Variants in MCMDC2 observed in about 807,000 individuals in gnomAD.
MCMDC2 encodes minichromosome maintenance domain-containing protein 2.
Under a neutral mutation model 75.8 loss-of-function variants are expected in MCMDC2, and 54 were observed. The ratio of observed to expected loss-of-function variants is 0.71; its 90% CI spans 0.57 to 0.89. MCMDC2 has a LOEUF of 0.89. Ranked by LOEUF, MCMDC2 falls within the 40% of genes least tolerant of loss-of-function variation. The pLI is 0.00. For synonymous variants in MCMDC2, 249 were observed against 274.6 expected, an observed-to-expected ratio of 0.91 and a Z score of 0.92; for missense variants, 656 against 780.4, an observed-to-expected ratio of 0.84 and a Z score of 1.90.
intron 14 of MCMDC2, among the ~76,000 whole-genome samples, chr8:66,917,270 T>A (rs552632859): frequency 2.6e-5 from 4 of 152,270 alleles, no homozygotes; most frequent in African/African-American, 7.2e-5. Flanking sequence ...GCTGTTCTTA[T>A]GAGGCTCTAG....
chr8:66,916,045 G>A (rs1813303617), intron 14 of MCMDC2, among the ~76,000 whole-genome samples: 1 of 152,168 alleles, frequency 6.6e-6, no homozygotes, highest in South Asian at 2.1e-4. Flanking sequence ...CGTGGGAATG[G>A]AGATGAGGCT....
At chr8:66,902,192 G>A (rs187959209) in intron 13 of MCMDC2, among the ~76,000 whole-genome samples, 3 of 150,596 alleles carry the variant, frequency 2.0e-5, no homozygotes, top group Non-Finnish European at 4.4e-5. Context: ...AACAAACAGA[G>A]CAGCCTGGGC....
chr8:66,871,614 G>A (rs1811021297), intron 1 of MCMDC2: 1 of 152,078 alleles, frequency 6.6e-6, no homozygotes, highest in African/African-American at 2.4e-5. Flanking sequence ...GCAGGCACAG[G>A]TTTCCAAAAT....
chr8:66,902,714 ATATAT>A (rs1563385364), intron 13 of MCMDC2, among the ~76,000 whole-genome samples: 211 of 102,082 alleles, frequency 2.1e-3, no homozygotes, highest in Middle Eastern at 4.7e-3. Flanking sequence ...AAAAAAAAAT[ATATAT>A]ATATATATAT....
At chr8:66,894,883 A>G (rs1812273123) in intron 10 of MCMDC2, among the ~76,000 whole-genome samples, 1 of 152,172 alleles carries the variant, frequency 6.6e-6, no homozygotes, top group Non-Finnish European at 1.5e-5. Context: ...CCCCATACCC[A>G]TTAGCAGTCA....
rs970242141 is a variant in MCMDC2, at chr8:66,890,982, T to A, written c.1191T>A (p.Ala397=). The part of the protein sequence containing the change: ...KYGTGAVSIQ[A]GSALLAKGGI... ...GAACTGGAGCAGTTAGCATTCAGGC[T>A]GGCAGTGCTTTGCTAGCTAAAGGTG... The change falls in exon 10 of 15, where the codon GCT becomes GCA. Residue 397 remains alanine (A), a synonymous_variant. Transcript: ENST00000422365. 7 of 1,609,444 alleles carry A rather than the reference T, an allele frequency of 4.3e-6. No individual in the cohort carries two copies. Among genetic ancestry groups the A allele is most frequent in the Non-Finnish European group, 4.2e-6 (5 of 1,179,060 alleles).
At chr8:66,905,452 C>G in intron 14 of MCMDC2, 117 bp downstream of exon 14, 1 of 941,816 alleles carries the variant, frequency 1.1e-6, no homozygotes, top group Non-Finnish European at 1.4e-6. Context: ...TAAAGAATAA[C>G]AAATCTCTAC....
chr8:66,882,875 A>G (rs781479537), intron 8 of MCMDC2, among the ~76,000 whole-genome samples: 19 of 152,236 alleles, frequency 1.2e-4, no homozygotes, highest in Non-Finnish European at 1.9e-4. Flanking sequence ...GTGTTTAAAA[A>G]TTTATTGATT....
rs1811183399 is a variant in MCMDC2 at position 66,874,556 on chromosome 8, A to G, written c.255A>G (p.Ser85=). The G allele has an allele frequency of 3.7e-6, 6 of 1,612,920 alleles. No homozygotes were observed. Among genetic ancestry groups the G allele is most frequent in the African/African-American group, 1.3e-5 (1 of 75,014 alleles). ...GTTTTATTGCTGTTAAGACTCTCTCATTAATTGGACAATTGCAGACTGAAA... is the reference window on the plus strand; with the variant it reads ...GTTTTATTGCTGTTAAGACTCTCTCGTTAATTGGACAATTGCAGACTGAAA... ...SVCFIAVKTL[S]LIGQLQTETQ... The change falls in exon 4 of 15, where the codon TCA becomes TCG. Residue 85 remains serine, a synonymous_variant. Transcript: ENST00000422365.
intron 14 of MCMDC2, among the ~76,000 whole-genome samples, chr8:66,917,883 T>C (rs951798396): frequency 2.6e-5 from 4 of 152,234 alleles, no homozygotes; most frequent in Non-Finnish European, 4.4e-5. Context: ...TGCTAATATC[T>C]CTTTAAGATC....
chr8:66,918,973 C>T, intron 14 of MCMDC2, 30 bp from the exon 15 acceptor site: 2 of 1,418,182 alleles, frequency 1.4e-6, no homozygotes, highest in Non-Finnish European at 9.3e-7. Context: ...GAGTATTTGT[C>T]ATTTACACTC....
chr8:66,902,709 A>ATATAT (rs1554530698), intron 13 of MCMDC2, among the ~76,000 whole-genome samples: 29 of 106,144 alleles, frequency 2.7e-4, no homozygotes, highest in African/African-American at 5.7e-4. Flanking sequence ...AAAAAAAAAA[A>ATATAT]AAATATATAT....
rs1813477343 is a variant in MCMDC2 at position 66,920,363 on chromosome 8, G to C, written c.*1194G>C. The C allele has an allele frequency of 6.6e-6, 1 of 152,190 alleles. No individual in the cohort carries two copies. The highest frequency in any genetic ancestry group is 2.4e-5 in the African/African-American group (1 of 41,412). The allele number at this position is 152,190 out of a possible 1,614,324, so 9.4% of individuals were successfully genotyped here. A position where few individuals can be genotyped will look rare whatever the true frequency, so the allele number is the denominator to read the frequency against. ...AAGTGATTCTCCTGCTGGGATTACA[G>C]GTGCACTCCACCATGACTGGCTAAT... On this transcript the variant is annotated 3_prime_UTR_variant, in exon 15 of 15. Transcript: ENST00000422365.
Position 66,920,084 on chromosome 8 carries a change from A to G in MCMDC2, c.*915A>G, listed in dbSNP as rs1813464813. 1 of 152,246 alleles carries G rather than the reference A, an allele frequency of 6.6e-6. No individual in the cohort carries two copies. The highest frequency in any genetic ancestry group is 1.5e-5 in the Non-Finnish European group (1 of 68,054). 9.4% of individuals were successfully genotyped at this position (152,246 alleles called of 1,614,324 possible). A position where few individuals can be genotyped will look rare whatever the true frequency, so the allele number is the denominator to read the frequency against. ...TTAACCAAGATGTTACCATGCATCA[A>G]TTCTTTCAAAACTGGTCCCTTAACA... On this transcript the variant is annotated 3_prime_UTR_variant, in exon 15 of 15. Transcript: ENST00000422365.
intron 9 of MCMDC2, among the ~76,000 whole-genome samples, chr8:66,885,858 A>G (rs1040524929): frequency 6.6e-6 from 1 of 152,206 alleles, no homozygotes; most frequent in African/African-American, 2.4e-5. Flanking sequence ...TAATGAAATC[A>G]TACAGTGCAT....
At chr8:66,901,085 ACT>A in intron 12 of MCMDC2, 119 bp from the exon 13 acceptor site, 2 of 695,718 alleles carry the variant, frequency 2.9e-6, no homozygotes, top group South Asian at 1.9e-5. Flanking sequence ...CCAGACATTT[ACT>A]CTTTTTTATG....
intron 14 of MCMDC2, among the ~76,000 whole-genome samples, chr8:66,916,167 A>G (rs555772108): frequency 6.6e-6 from 1 of 152,254 alleles, no homozygotes; most frequent in South Asian, 2.1e-4. Flanking sequence ...GATAGAAGGT[A>G]TAAAATCATA....
chr8:66,876,466 T>G (rs1232329922), intron 4 of MCMDC2, among the ~76,000 whole-genome samples: 2 of 152,168 alleles, frequency 1.3e-5, no homozygotes, highest in Non-Finnish European at 2.9e-5. Context: ...AGTGAATCTT[T>G]GTCATTCCTT....
chr8:66,876,723 TTTTA>T (rs969272087), intron 4 of MCMDC2, among the ~76,000 whole-genome samples: 1 of 152,154 alleles, frequency 6.6e-6, no homozygotes, highest in African/African-American at 2.4e-5. Flanking sequence ...CATTGTTTTA[TTTTA>T]TTTATTTATT....
Sources: gnomAD v4.1 joint callset for allele counts (sites outside exome capture counted in the v4.1 genomes callset) on GRCh38, gnomAD v4.1.1 for gene constraint, MANE v1.5 for transcripts, NCBI Gene and HGNC (gene_info 2026-07-23, HGNC 2026-07-21) for gene names.